MACROD2: variants seen among roughly 807,000 people sequenced by gnomAD.
MACROD2 encodes the protein ADP-ribose glycohydrolase MACROD2.
MACROD2 carries 36 observed loss-of-function variants against 70.4 expected under a neutral mutation model. The ratio of observed to expected loss-of-function variants is 0.51; its 90% CI spans 0.39 to 0.68. The LOEUF (loss-of-function observed/expected upper bound fraction) is 0.68, where lower values mean the gene tolerates loss of function less well. Ranked by LOEUF, MACROD2 falls within the 30% of genes least tolerant of loss-of-function variation. The pLI is 0.00. For synonymous variants in MACROD2, 172 were observed against 178.8 expected (o/e 0.96, Z 0.30); for missense variants, 496 against 538.4 (o/e 0.92, Z 0.78).
intron 4 of MACROD2, among the ~76,000 whole-genome samples, chr20:14,623,752 C>T (rs565666276): frequency 2.0e-5 from 3 of 152,154 alleles, no homozygotes; most frequent in Admixed American, 6.6e-5. Context: ...GATGCTGTTA[C>T]AGAATTGGAC....
At chr20:15,210,616 C>A (rs2076755147) in intron 5 of MACROD2, among the ~76,000 whole-genome samples, 1 of 144,468 alleles carries the variant, frequency 6.9e-6, no homozygotes, top group Admixed American at 7.0e-5. Flanking sequence ...TGTGTCTCTG[C>A]CCAAATTTTA....
intron 6 of MACROD2, among the ~76,000 whole-genome samples, chr20:15,369,916 C>A (rs1267957963): frequency 6.6e-6 from 1 of 152,066 alleles, no homozygotes; most frequent in Non-Finnish European, 1.5e-5. Context: ...TTAATTCTTG[C>A]ACCTGGAATC....
At chr20:14,483,578 G>A (rs939317130) in intron 3 of MACROD2, among the ~76,000 whole-genome samples, 3 of 151,908 alleles carry the variant, frequency 2.0e-5, no homozygotes, top group African/African-American at 2.4e-5. Context: ...GGCTTATTTT[G>A]TATTTTTAGT....
intron 6 of MACROD2, among the ~76,000 whole-genome samples, chr20:15,367,955 T>C (rs950464993): frequency 1.3e-5 from 2 of 152,188 alleles, no homozygotes; most frequent in Non-Finnish European, 2.9e-5. Context: ...CTATTAGAAG[T>C]GAAGGGATCA....
intron 15 of MACROD2, among the ~76,000 whole-genome samples, chr20:16,006,131 C>G (rs1277797464): frequency 6.6e-6 from 1 of 152,178 alleles, no homozygotes; most frequent in African/African-American, 2.4e-5. Context: ...TCTCCTCCGC[C>G]CATCCCTCCT....
At chr20:15,233,947 C>A (rs1239494652) in intron 6 of MACROD2, among the ~76,000 whole-genome samples, 1 of 122,652 alleles carries the variant, frequency 8.2e-6, no homozygotes, top group African/African-American at 3.2e-5. Flanking sequence ...ATGAGTTACC[C>A]TTGGATCCAA....
chr20:14,471,770 A>G (rs775417412), intron 3 of MACROD2, among the ~76,000 whole-genome samples: 2 of 152,132 alleles, frequency 1.3e-5, no homozygotes, highest in Non-Finnish European at 2.9e-5. Context: ...ATAGGAAACT[A>G]CCTTTAGGGG....
chr20:15,880,880 T>C (rs2064745354), intron 9 of MACROD2, among the ~76,000 whole-genome samples: 1 of 152,064 alleles, frequency 6.6e-6, no homozygotes, highest in African/African-American at 2.4e-5. Flanking sequence ...TCTTTTTCCC[T>C]ACATAACTTT....
chr20:15,541,641 TAATATA>T (rs1294900258), intron 8 of MACROD2, among the ~76,000 whole-genome samples: 1 of 152,230 alleles, frequency 6.6e-6, no homozygotes, highest in Non-Finnish European at 1.5e-5. Context: ...GCCAATTTCT[TAATATA>T]TTAATTTTAA....
chr20:14,916,537 T>C (rs2074094085), intron 5 of MACROD2, among the ~76,000 whole-genome samples: 1 of 152,146 alleles, frequency 6.6e-6, no homozygotes, highest in South Asian at 2.1e-4. Flanking sequence ...GTTGGAAACA[T>C]ATAAAACAAG....
At chr20:15,907,663 G>A (rs568508352) in intron 10 of MACROD2, among the ~76,000 whole-genome samples, 5 of 152,232 alleles carry the variant, frequency 3.3e-5, no homozygotes, top group South Asian at 2.1e-4. Context: ...CTGATGACAC[G>A]GTGTGCCGTG....
intron 4 of MACROD2, among the ~76,000 whole-genome samples, chr20:14,667,065 C>G (rs2070743838): frequency 6.6e-6 from 1 of 151,966 alleles, no homozygotes. Context: ...TATAGCAAAA[C>G]TGAGTCAGCC....
At chr20:15,089,975 T>G (rs2075780789) in intron 5 of MACROD2, among the ~76,000 whole-genome samples, 1 of 152,104 alleles carries the variant, frequency 6.6e-6, no homozygotes, top group Non-Finnish European at 1.5e-5. Flanking sequence ...AACAAGAGCA[T>G]AAGCCATGTG....
At chr20:15,460,114 T>C (rs906880938) in intron 7 of MACROD2, among the ~76,000 whole-genome samples, 1 of 152,170 alleles carries the variant, frequency 6.6e-6, no homozygotes, top group African/African-American at 2.4e-5. Context: ...TCTGCTGTAA[T>C]TGAACCCAGG....
chr20:14,815,292 A>G (rs1238871362), intron 5 of MACROD2, among the ~76,000 whole-genome samples: 1 of 152,108 alleles, frequency 6.6e-6, no homozygotes, highest in Non-Finnish European at 1.5e-5. Flanking sequence ...ATATATTTTA[A>G]AGACAGCCAG....
chr20:15,177,709 A>G (rs1229268105), intron 5 of MACROD2, among the ~76,000 whole-genome samples: 1 of 152,238 alleles, frequency 6.6e-6, no homozygotes, highest in Non-Finnish European at 1.5e-5. Flanking sequence ...TTTTCTGGAA[A>G]GACAGAAAGA....
chr20:14,733,490 T>A lies in MACROD2; in HGVS notation c.418+48531T>A, dbSNP rs6135238. 4.5e-3 allele frequency among the ~76,000 whole-genome samples: 688 copies of A among 152,206 alleles called. 21 individuals carry two copies. Among genetic ancestry groups the A allele is most frequent in the Admixed American group, 0.033 (505 of 15,286 alleles). On this transcript the variant is annotated intron_variant, in intron 5 of 17. Transcript: ENST00000684519. ...TTTATAGTTAATAATAATTTAAAGA[T>A]CAAACAAAAACTTTGTGAGGGCAAG...
intron 5 of MACROD2, among the ~76,000 whole-genome samples, chr20:14,757,115 T>C (rs1568778543): frequency 6.6e-6 from 1 of 152,314 alleles, no homozygotes; most frequent in East Asian, 1.9e-4. Flanking sequence ...TTGCAAAAGA[T>C]GACATTTTTG....
At chr20:15,646,067 T>C (rs1374639702) in intron 8 of MACROD2, among the ~76,000 whole-genome samples, 1 of 152,206 alleles carries the variant, frequency 6.6e-6, no homozygotes, top group Non-Finnish European at 1.5e-5. Flanking sequence ...CCTGCTTCTT[T>C]TTCTCGGGGT....
Sources: gnomAD v4.1 joint callset for allele counts (sites outside exome capture counted in the v4.1 genomes callset) on GRCh38, gnomAD v4.1.1 for gene constraint, MANE v1.5 for transcripts, NCBI Gene and HGNC (gene_info 2026-07-23, HGNC 2026-07-21) for gene names.